Variants in CLUAP1 observed in about 807,000 individuals in gnomAD.
The protein encoded by CLUAP1 is intraflagellar transport 38, also known as clusterin-associated protein 1.
CLUAP1 carries 50 observed loss-of-function variants against 55.0 expected under a neutral mutation model. The ratio of observed to expected loss-of-function variants is 0.91; its 90% CI spans 0.72 to 1.15. The LOEUF is 1.15. CLUAP1 is among the 50% of genes most tolerant of loss of function. The pLI is 0.00. For missense variants in CLUAP1, 530 were observed against 507.6 expected (o/e 1.04, Z -0.42); for synonymous variants, 195 against 175.4 (o/e 1.11, Z -0.88).
In CLUAP1 at chr16:3,515,627, G is replaced by A. The variant is rs376172331; in HGVS notation, c.579+36G>A. The A allele has an allele frequency of 2.1e-6, 3 of 1,398,288 alleles. No individual in the cohort carries two copies. In the African/African-American group the frequency reaches 4.4e-5, roughly 20 times the overall value. The allele number at this position is 1,398,288 out of a possible 1,614,324, so 86.6% of individuals were successfully genotyped here. On this transcript the variant is annotated intron_variant, in intron 6 of 11. Coordinates refer to ENST00000576634, the MANE Select transcript of CLUAP1 (RefSeq NM_015041.3). ...TTTGCTTTTATATAATGTTTTTTATGCCTGGGATTCAAAAATACTGATTTC... is the reference window on the plus strand; with the variant it reads ...TTTGCTTTTATATAATGTTTTTTATACCTGGGATTCAAAAATACTGATTTC...
At position 3,515,530 on chromosome 16, in the gene CLUAP1, C is replaced by A; in HGVS notation, c.518C>A (p.Ala173Asp). The part of the protein sequence containing the change: ...ELREMRTEAI[A>D]RPLEINETEK... Reference sequence around the variant, plus strand: ...TAGGAAATGAGAACAGAAGCCATTGCCAGACCTCTGGAAATAAACGAGACT... The same window carrying A: ...TAGGAAATGAGAACAGAAGCCATTGACAGACCTCTGGAAATAAACGAGACT... Residue 173 changes from alanine (A) to aspartate (D), a missense_variant, in exon 6 of 12, where the codon GCC (alanine) becomes GAC (aspartate). Ala to Asp is a moderately radical substitution (Grantham distance 126, BLOSUM62 -2). Transcript: ENST00000576634. 1 of 1,597,566 alleles carries A rather than the reference C, an allele frequency of 6.3e-7. No homozygotes were observed. The highest frequency in any genetic ancestry group is 8.5e-7 in the Non-Finnish European group (1 of 1,174,888).
At chr16:3,523,438 A>C in intron 8 of CLUAP1, 139 bp downstream of exon 8, 3 of 1,022,788 alleles carry the variant, frequency 2.9e-6, no homozygotes, top group Non-Finnish European at 1.4e-6. Flanking sequence ...AGGATTGCTC[A>C]TGTAATGTGT....
At chr16:3,500,998 T>G (rs79384355), upstream of CLUAP1, 32,689 of 1,511,598 alleles carry the variant, frequency 0.022, 779 homozygotes, top group African/African-American at 0.11. Flanking sequence ...ATAGAGATCG[T>G]CGAGCGCTGG....
At position 3,530,692 on chromosome 16, in the gene CLUAP1, C is replaced by G. The variant is rs752561728; in HGVS notation, c.1036+17C>G. 10 of 1,598,192 alleles carry G rather than the reference C, an allele frequency of 6.3e-6. No individual in the cohort carries two copies. The highest frequency in any genetic ancestry group is 8.6e-6 in the Non-Finnish European group (10 of 1,166,108). On this transcript the variant is annotated intron_variant, in intron 10 of 11. Transcript: ENST00000576634. Reference sequence around the variant, plus strand: ...TCATGCAAGGTACCCCGGCGTCTTTCGCTGGACTTCCTCCCTGCGCCCTGT... The same window carrying G: ...TCATGCAAGGTACCCCGGCGTCTTTGGCTGGACTTCCTCCCTGCGCCCTGT...
chr16:3,529,084 G>C (rs2038005346), intron 9 of CLUAP1, among the ~76,000 whole-genome samples: 1 of 151,840 alleles, frequency 6.6e-6, no homozygotes, highest in South Asian at 2.1e-4. Flanking sequence ...GAACCCACCT[G>C]TGGATACCAA....
chr16:3,496,493 C>A, upstream of CLUAP1: 1 of 678,966 alleles, frequency 1.5e-6, no homozygotes, highest in Non-Finnish European at 2.6e-6. Flanking sequence ...AGGAGGTGCC[C>A]AAACTTAAGG....
chr16:3,501,463 G>A (rs894977933), intron 1 of CLUAP1, among the ~76,000 whole-genome samples: 1 of 152,162 alleles, frequency 6.6e-6, no homozygotes, highest in Non-Finnish European at 1.5e-5. Context: ...ACTATTTTTT[G>A]AGTTGGGTTA....
rs759275325 is a variant in CLUAP1 at position 3,505,767 on chromosome 16, G to A, written c.135-564G>A. Among the ~76,000 whole-genome samples, 6 of 152,314 alleles carry A rather than the reference G, an allele frequency of 3.9e-5. No individual in the cohort carries two copies. The East Asian group carries it at 9.6e-4, about 24-fold the overall frequency. The stretch of plus-strand genomic sequence containing the variant: ...AGATTTCTTTTTCTGTGAAAAAATT[G>A]AATATGTTATATGATTCAGGGTTGG... On this transcript the variant is annotated intron_variant, in intron 2 of 11. Coordinates refer to ENST00000576634, the MANE Select transcript of CLUAP1 (RefSeq NM_015041.3).
intron 9 of CLUAP1, among the ~76,000 whole-genome samples, chr16:3,529,431 AAT>A (rs1383643236): frequency 2.6e-5 from 2 of 77,966 alleles, no homozygotes; most frequent in East Asian, 2.8e-4. Flanking sequence ...TATTATATAT[AAT>A]ATATATTATA....
At chr16:3,529,496 T>A (rs1415842751) in intron 9 of CLUAP1, among the ~76,000 whole-genome samples, 8 of 68,744 alleles carry the variant, frequency 1.2e-4, no homozygotes, top group Admixed American at 2.5e-4. Flanking sequence ...ATAATTATAT[T>A]ATATTATATA....
upstream of CLUAP1, among the ~76,000 whole-genome samples, chr16:3,500,605 A>C (rs1229251646): frequency 6.6e-6 from 1 of 152,052 alleles, no homozygotes; most frequent in Admixed American, 6.5e-5. Flanking sequence ...TCCTGACCTC[A>C]AGTGATCCGC....
chr16:3,515,668 A>G (rs757190005), intron 6 of CLUAP1, 77 bp downstream of exon 6: 16 of 975,080 alleles, frequency 1.6e-5, no homozygotes, highest in Non-Finnish European at 2.3e-5. Flanking sequence ...CATACAAGAC[A>G]GAACAAGCTA....
intron 9 of CLUAP1, among the ~76,000 whole-genome samples, chr16:3,530,073 C>T (rs193282647): frequency 3.4e-4 from 51 of 149,914 alleles, no homozygotes; most frequent in Admixed American, 1.6e-3. Flanking sequence ...TGCATCTTGC[C>T]GCACCATCCC....
intron 4 of CLUAP1, among the ~76,000 whole-genome samples, chr16:3,509,505 T>G (rs1171142202): frequency 6.6e-6 from 1 of 151,518 alleles, no homozygotes; most frequent in Non-Finnish European, 1.5e-5. Flanking sequence ...GTTTGGAGAG[T>G]GAGGGGTGAC....
At chr16:3,500,576 G>C (rs139178193), upstream of CLUAP1, among the ~76,000 whole-genome samples, 317 of 152,176 alleles carry the variant, frequency 2.1e-3, 4 homozygotes, top group African/African-American at 7.1e-3. Context: ...TCGCCATGTT[G>C]GCCAGGCTGG....
intron 7 of CLUAP1, among the ~76,000 whole-genome samples, chr16:3,520,669 A>G (rs933093851): frequency 6.6e-6 from 1 of 152,174 alleles, no homozygotes; most frequent in African/African-American, 2.4e-5. Flanking sequence ...GTGGTCTCCT[A>G]AGATCTTGCC....
intron 11 of CLUAP1, 24 bp downstream of exon 11, chr16:3,532,865 G>A (rs1233230390): frequency 1.2e-6 from 2 of 1,613,338 alleles, no homozygotes; most frequent in Admixed American, 3.3e-5. Flanking sequence ...TCCCCTCAGT[G>A]GTTCTGTGCA....
intron 5 of CLUAP1, 21 bp downstream of exon 5, chr16:3,512,499 T>A: frequency 6.4e-7 from 1 of 1,557,892 alleles, no homozygotes; most frequent in Non-Finnish European, 8.8e-7. Context: ...CAGTACTTCC[T>A]TAACCATGCA....
At chr16:3,515,396 C>T in intron 5 of CLUAP1, 112 bp from the exon 6 acceptor site, 1 of 700,122 alleles carries the variant, frequency 1.4e-6, no homozygotes, top group Non-Finnish European at 2.4e-6. Flanking sequence ...CAGAGATCCA[C>T]ATGGCAATAA....
Sources: gnomAD v4.1 joint callset for allele counts (sites outside exome capture counted in the v4.1 genomes callset) on GRCh38, gnomAD v4.1.1 for gene constraint, MANE v1.5 for transcripts, NCBI Gene and HGNC (gene_info 2026-07-23, HGNC 2026-07-21) for gene names.